STPG2: variants seen among roughly 807,000 people sequenced by gnomAD.
The protein encoded by STPG2 is sperm tail PG-rich repeat containing 2.
In STPG2, 56 loss-of-function variants were observed where a neutral mutation model predicts 54.2. The ratio of observed to expected loss-of-function variants is 1.03; its 90% CI spans 0.83 to 1.29. The LOEUF is 1.29. STPG2 is among the 50% of genes most tolerant of loss of function. The probability of loss-of-function intolerance (pLI) is 0.00; values close to 1 mark genes in which losing one functional copy is unlikely to be tolerated. For missense variants in STPG2, 596 were observed against 544.9 expected, an observed-to-expected ratio of 1.09 and a Z score of -0.93; for synonymous variants, 200 against 181.8, an observed-to-expected ratio of 1.10 and a Z score of -0.81.
At chr4:97,653,690 T>C (rs1722137663) in intron 10 of STPG2, among the ~76,000 whole-genome samples, 1 of 152,058 alleles carries the variant, frequency 6.6e-6, no homozygotes, top group South Asian at 2.1e-4. Context: ...TTATTGATAA[T>C]GGAAAAAGTT....
chr4:97,653,840 G>A (rs2148955638), intron 10 of STPG2, among the ~76,000 whole-genome samples: 1 of 152,276 alleles, frequency 6.6e-6, no homozygotes, highest in South Asian at 2.1e-4. Context: ...GGGAAAGTGA[G>A]ATAGTGAAGG....
chr4:97,679,227 T>C (rs1415177527), intron 10 of STPG2, among the ~76,000 whole-genome samples: 1 of 152,224 alleles, frequency 6.6e-6, no homozygotes, highest in Non-Finnish European at 1.5e-5. Context: ...GTTGAACTAC[T>C]TTACAGTCCC....
intron 6 of STPG2, among the ~76,000 whole-genome samples, chr4:97,973,409 C>T (rs1734399978): frequency 6.6e-6 from 1 of 152,088 alleles, no homozygotes; most frequent in South Asian, 2.1e-4. Flanking sequence ...CTGTTAAAGG[C>T]ATTCAGTTTT....
chr4:97,507,815 G>T (rs1196607068), intron 4 of STPG2, among the ~76,000 whole-genome samples: 1 of 152,048 alleles, frequency 6.6e-6, no homozygotes, highest in Non-Finnish European at 1.5e-5. Flanking sequence ...CCCACAAAGA[G>T]TCAGGGCATG....
At chr4:97,848,239 C>A (rs1729029920) in intron 8 of STPG2, among the ~76,000 whole-genome samples, 1 of 152,094 alleles carries the variant, frequency 6.6e-6, no homozygotes, top group South Asian at 2.1e-4. Context: ...TCTTACTCTT[C>A]TGAATTATTT....
At chr4:97,546,928 G>A (rs1731845950) in intron 4 of STPG2, among the ~76,000 whole-genome samples, 1 of 152,122 alleles carries the variant, frequency 6.6e-6, no homozygotes, top group South Asian at 2.1e-4. Context: ...AGTATATGAT[G>A]CAATAAATAT....
chr4:97,888,209 T>C (rs961914041), intron 8 of STPG2, among the ~76,000 whole-genome samples: 1 of 152,166 alleles, frequency 6.6e-6, no homozygotes, highest in Non-Finnish European at 1.5e-5. Context: ...ACTGGGGCAC[T>C]GCTTAGGCGA....
intron 8 of STPG2, among the ~76,000 whole-genome samples, chr4:97,942,144 T>TATATAAATATATATATACACAC (rs1327448669): frequency 6.7e-6 from 1 of 150,244 alleles, no homozygotes; most frequent in Non-Finnish European, 1.5e-5. Context: ...TGTGTGTATA[T>TATATAAATATATATATACACAC]ATATATATAT....
intron 8 of STPG2, among the ~76,000 whole-genome samples, chr4:97,872,816 C>G (rs779269956): frequency 4.0e-5 from 6 of 150,792 alleles, no homozygotes; most frequent in Non-Finnish European, 8.9e-5. Flanking sequence ...CTCAAATTAC[C>G]CCAGATATAG....
intron 5 of STPG2, among the ~76,000 whole-genome samples, chr4:98,010,393 G>A (rs1265099352): frequency 2.0e-5 from 3 of 151,904 alleles, no homozygotes; most frequent in African/African-American, 7.3e-5. Flanking sequence ...TGTCTCTTGT[G>A]ACAGTTTTTT....
At chr4:97,566,067 C>T (rs1361086066) in intron 10 of STPG2, among the ~76,000 whole-genome samples, 1 of 152,158 alleles carries the variant, frequency 6.6e-6, no homozygotes, top group Non-Finnish European at 1.5e-5. Flanking sequence ...GGCAGGCCTC[C>T]TTGAGCTGTG....
intron 9 of STPG2, among the ~76,000 whole-genome samples, chr4:97,831,596 G>T (rs906668916): frequency 6.6e-6 from 1 of 151,922 alleles, no homozygotes; most frequent in African/African-American, 2.4e-5. Context: ...CTGCTTTTTT[G>T]AAAAGATCAA....
intron 9 of STPG2, among the ~76,000 whole-genome samples, chr4:97,831,076 C>G (rs569871971): frequency 5.5e-4 from 83 of 152,148 alleles, no homozygotes; most frequent in Non-Finnish European, 9.7e-4. Context: ...ATACATTCTT[C>G]TCAGCACCTC....
intron 7 of STPG2, among the ~76,000 whole-genome samples, chr4:97,952,258 T>G (rs973697111): frequency 4.6e-5 from 7 of 152,058 alleles, no homozygotes; most frequent in African/African-American, 1.7e-4. Flanking sequence ...CAGTTGTGTC[T>G]TGCAGTGGTG....
intron 10 of STPG2, among the ~76,000 whole-genome samples, chr4:97,591,175 A>T (rs1733137206): frequency 6.6e-6 from 1 of 152,210 alleles, no homozygotes; most frequent in African/African-American, 2.4e-5. Context: ...TAACTGTATG[A>T]TGATAAAGAA....
chr4:97,636,637 C>T (rs958934073), intron 10 of STPG2, among the ~76,000 whole-genome samples: 1 of 151,464 alleles, frequency 6.6e-6, no homozygotes, highest in Admixed American at 6.6e-5. Flanking sequence ...CAAATAGATG[C>T]AATAAAAAAT....
At chr4:98,128,310 C>T (rs774730114) in intron 3 of STPG2, 118 bp downstream of exon 3, 28 of 938,986 alleles carry the variant, frequency 3.0e-5, no homozygotes, top group Non-Finnish European at 3.9e-5. Flanking sequence ...AATTAGTGTT[C>T]CATTAACTAA....
At chr4:97,604,902 A>C (rs1001757811) in intron 10 of STPG2, among the ~76,000 whole-genome samples, 2 of 151,782 alleles carry the variant, frequency 1.3e-5, no homozygotes, top group African/African-American at 4.8e-5. Context: ...TACTACAGAC[A>C]GCAAATATCT....
At chr4:97,786,445 T>C (rs562028393) in intron 9 of STPG2, among the ~76,000 whole-genome samples, 6 of 152,236 alleles carry the variant, frequency 3.9e-5, no homozygotes, top group African/African-American at 1.4e-4. Context: ...AAATTTCAGT[T>C]TTCAGTCTTT....
Sources: gnomAD v4.1 joint callset for allele counts (sites outside exome capture counted in the v4.1 genomes callset) on GRCh38, gnomAD v4.1.1 for gene constraint, MANE v1.5 for transcripts, NCBI Gene and HGNC (gene_info 2026-07-23, HGNC 2026-07-21) for gene names.